The following VWDE variants were observed in gnomAD, a reference collection of about 807,000 sequenced individuals.
VWDE encodes von Willebrand factor D and EGF domain-containing protein.
A neutral mutation model predicts 178.4 loss-of-function variants in VWDE; 207 were observed. The ratio of observed to expected loss-of-function variants is 1.16; its 90% CI spans 1.04 to 1.30. The LOEUF is 1.30. VWDE is among the 50% of genes most tolerant of loss of function. The pLI is 0.00. For missense variants in VWDE, 2,287 were observed against 1,901.3 expected (o/e 1.20, Z -3.77); for synonymous variants, 738 against 651.4 (o/e 1.13, Z -2.02).
chr7:12,358,576 T>C (rs1287842250), intron 16 of VWDE, among the ~76,000 whole-genome samples: 1 of 152,158 alleles, frequency 6.6e-6, no homozygotes, highest in Non-Finnish European at 1.5e-5. Context: ...AAAGCACTAA[T>C]GCCCCGAGAT....
rs143712346 is a variant in VWDE, at chr7:12,382,468, C to A, written c.541+1068G>T. 3.1e-3 allele frequency among the ~76,000 whole-genome samples: 477 copies of A among 151,578 alleles called. 6 individuals carry two copies. The highest frequency in any genetic ancestry group is 0.011 in the African/African-American group (436 of 41,398). Reference sequence around the variant, plus strand: ...ACAAAAAAAAGGGCTAGAAAAAAACCATTTGGAATAGGGCATGAAATAGAG... The same window carrying A: ...ACAAAAAAAAGGGCTAGAAAAAAACAATTTGGAATAGGGCATGAAATAGAG... On this transcript the variant is annotated intron_variant, in intron 4 of 28. Coordinates refer to ENST00000275358, the MANE Select transcript of VWDE (RefSeq NM_001135924.3).
chr7:12,375,142 A>G lies in VWDE; in HGVS notation c.1110T>C (p.Cys370=), dbSNP rs1020140786. The change falls in exon 8 of 29, where the codon TGT becomes TGC. Residue 370 remains cysteine, a synonymous_variant. Coordinates refer to ENST00000275358, the MANE Select transcript of VWDE (RefSeq NM_001135924.3). ...CAGTGTAGTACACAAAAGTGTGGCTACAGGTTCCATTAGCACAGGAAGATG... is the reference window on the plus strand; with the variant it reads ...CAGTGTAGTACACAAAAGTGTGGCTGCAGGTTCCATTAGCACAGGAAGATG... ...LQTSSCANGT[C]SHTFVYYTAV... is the part of the protein sequence containing the mutation. The G allele has an allele frequency of 1.2e-5, 18 of 1,551,166 alleles. No individual in the cohort carries two copies. The highest frequency in any genetic ancestry group is 2.4e-5 in the East Asian group (1 of 40,892).
chr7:12,342,152 C>T lies in VWDE; in HGVS notation c.4177G>A (p.Val1393Ile). ...GFVGPRCETM[V>I]CNRHCENGGQ... Reference sequence around the variant, plus strand: ...CCATTTTCACAGTGCCTGTTACAAACCACTGAGATCATAGAATAAAGAGAA... The same window carrying T: ...CCATTTTCACAGTGCCTGTTACAAATCACTGAGATCATAGAATAAAGAGAA... The change falls in exon 23 of 29, where the codon GTT (valine) becomes ATT (isoleucine). Residue 1393 changes from valine to isoleucine, a missense_variant and splice_region_variant. Coordinates refer to ENST00000275358, the MANE Select transcript of VWDE (RefSeq NM_001135924.3). 1 of 1,550,774 alleles carries T rather than the reference C, an allele frequency of 6.4e-7. No individual in the cohort carries two copies. Among genetic ancestry groups the T allele is most frequent in the East Asian group, 2.4e-5 (1 of 40,884 alleles).
At chr7:12,342,585 G>A (rs73294306) in intron 22 of VWDE, among the ~76,000 whole-genome samples, 2,829 of 152,032 alleles carry the variant, frequency 0.019, 82 homozygotes, top group African/African-American at 0.064. Flanking sequence ...GGTAACTGTT[G>A]TCATCAATCA....
intron 2 of VWDE, among the ~76,000 whole-genome samples, chr7:12,393,184 G>T (rs1366376669): frequency 2.0e-5 from 3 of 152,130 alleles, no homozygotes; most frequent in Non-Finnish European, 2.9e-5. Flanking sequence ...TAGACACACA[G>T]TATTTTACTA....
chr7:12,364,612 T>C (rs1782761830), intron 13 of VWDE, among the ~76,000 whole-genome samples: 1 of 152,040 alleles, frequency 6.6e-6, no homozygotes, highest in South Asian at 2.1e-4. Flanking sequence ...AATAAATGAA[T>C]AAATAAATTG....
chr7:12,349,008 T>C (rs1467665060), intron 19 of VWDE, among the ~76,000 whole-genome samples: 2 of 152,052 alleles, frequency 1.3e-5, no homozygotes, highest in African/African-American at 2.4e-5. Context: ...TTCTCACTCA[T>C]AGGTGGGAAC....
intron 1 of VWDE, among the ~76,000 whole-genome samples, chr7:12,395,136 C>G (rs533143934): frequency 1.3e-5 from 2 of 152,020 alleles, no homozygotes; most frequent in Non-Finnish European, 2.9e-5. Flanking sequence ...TTTCTTTTGT[C>G]TCTAAATCTT....
chr7:12,339,440 T>G (rs1012162085), intron 24 of VWDE, among the ~76,000 whole-genome samples: 1 of 152,148 alleles, frequency 6.6e-6, no homozygotes, highest in African/African-American at 2.4e-5. Flanking sequence ...AGTCTTTACT[T>G]CTTTCTGTTT....
At position 12,383,608 on chromosome 7, in the gene VWDE, AG is replaced by A. The variant is rs763780022; in HGVS notation, c.476-8del. On this transcript the variant is annotated splice_region_variant and splice_polypyrimidine_tract_variant and intron_variant, in intron 3 of 28. Transcript: ENST00000275358. ...AATCGTGCATCAGAAATAGCTGCCA[AG>A]GGTTAAGGTTTGTATAATTATTCAG... is the stretch of plus-strand genomic sequence containing the variant. The A allele has an allele frequency of 1.7e-5, 26 of 1,549,796 alleles. No individual in the cohort carries two copies. The highest frequency in any genetic ancestry group is 8.7e-7 in the Non-Finnish European group (1 of 1,145,526).
chr7:12,373,364 A>T, intron 9 of VWDE, 117 bp from the exon 10 acceptor site: 1 of 1,055,488 alleles, frequency 9.5e-7, no homozygotes, highest in South Asian at 1.4e-5. Flanking sequence ...ACTGAAGGAA[A>T]CAAAGTAGTC....
chr7:12,336,290 T>C (rs998490243), intron 26 of VWDE, 54 bp from the exon 27 acceptor site: 2 of 1,427,642 alleles, frequency 1.4e-6, no homozygotes, highest in African/African-American at 2.9e-5. Flanking sequence ...TCAAATCCTA[T>C]CCATAACCCA....
chr7:12,387,235 G>C (rs1256391111), intron 3 of VWDE, among the ~76,000 whole-genome samples: 1 of 151,928 alleles, frequency 6.6e-6, no homozygotes, highest in Non-Finnish European at 1.5e-5. Context: ...TGAGATTATG[G>C]CCAATAATGA....
At chr7:12,352,095 C>G (rs577369161) in intron 18 of VWDE, among the ~76,000 whole-genome samples, 12 of 152,286 alleles carry the variant, frequency 7.9e-5, no homozygotes, top group South Asian at 4.1e-4. Context: ...CCAGAGATAT[C>G]TCACCACAAA....
chr7:12,336,933 C>G, intron 26 of VWDE, 55 bp downstream of exon 26: 1 of 1,460,008 alleles, frequency 6.8e-7, no homozygotes, highest in South Asian at 1.4e-5. Context: ...TTAAACTCTG[C>G]TTTACATTCC....
Position 12,342,081 on chromosome 7 carries a change from C to G in VWDE, c.4248G>C (p.Trp1416Cys), listed in dbSNP as rs1230007893. Residue 1416 changes from tryptophan (W) to cysteine (C), a missense_variant, in exon 23 of 29, where the codon TGG becomes TGC. Trp to Cys is a radical substitution (Grantham distance 215). Transcript: ENST00000275358. The stretch of plus-strand genomic sequence containing the variant: ...TACCTGTACTACAGGTGGGTCCATA[C>G]CAGCCAGGTTTGCACTGGCAAATAT... ...TPDICQCKPG[W>C]YGPTCSTALC... 4 of 1,551,094 alleles carry G rather than the reference C, an allele frequency of 2.6e-6. No homozygotes were observed. Among genetic ancestry groups the G allele is most frequent in the African/African-American group, 1.4e-5 (1 of 72,828 alleles).
chr7:12,361,477 CTG>C lies in VWDE; in HGVS notation c.2941_2942del (p.Gln981AspfsTer6). Reference sequence around the variant, plus strand: ...CAGCTCTGCTATTGTGGAAAACAGTCTGTGTATAGATGGGTTCTCCAGGCATC... The same window carrying C: ...CAGCTCTGCTATTGTGGAAAACAGTCTGTATAGATGGGTTCTCCAGGCATC... ...EWMPGEPIYTQTVFHNSRAVD... is the reference protein window; with the variant it reads ...EWMPGEPIYTXTVFHNSRAVD... On this transcript the variant is annotated frameshift_variant, in exon 14 of 29. Coordinates refer to ENST00000275358, the MANE Select transcript of VWDE (RefSeq NM_001135924.3). LOFTEE classifies it high-confidence loss of function. 6.4e-7 allele frequency: 1 copy of C among 1,551,178 alleles called. No homozygotes were observed. The highest frequency in any genetic ancestry group is 8.7e-7 in the Non-Finnish European group (1 of 1,146,648).
rs112802513 is a variant in VWDE, at chr7:12,389,961, G to A, written c.244-603C>T. 5.5e-4 allele frequency among the ~76,000 whole-genome samples: 84 copies of A among 152,236 alleles called. 1 individual carries two copies. The highest frequency in any genetic ancestry group is 1.9e-3 in the African/African-American group (79 of 41,556). On this transcript the variant is annotated intron_variant, in intron 2 of 28. Transcript: ENST00000275358. The stretch of plus-strand genomic sequence containing the variant: ...GCGGATTGCCTGAGGTCAGGAGATC[G>A]AGACTATCCTGGCTAACATGGTGAA...
intron 16 of VWDE, among the ~76,000 whole-genome samples, chr7:12,358,618 A>G (rs911065162): frequency 1.3e-5 from 2 of 152,134 alleles, no homozygotes. Context: ...GCCCCTGCAT[A>G]TCCTTACACA....
Sources: gnomAD v4.1 joint callset for allele counts (sites outside exome capture counted in the v4.1 genomes callset) on GRCh38, gnomAD v4.1.1 for gene constraint, MANE v1.5 for transcripts, NCBI Gene and HGNC (gene_info 2026-07-23, HGNC 2026-07-21) for gene names.